KHDRBS3: variants seen among roughly 807,000 people sequenced by gnomAD.
The protein encoded by KHDRBS3 is KH domain-containing, RNA-binding, signal transduction-associated protein 3.
KHDRBS3 carries 23 observed loss-of-function variants against 45.6 expected under a neutral mutation model. The observed-to-expected ratio is 0.50, with a 90% CI of 0.36 to 0.72. KHDRBS3 has a LOEUF of 0.72. Ranked by LOEUF, KHDRBS3 falls within the 30% of genes least tolerant of loss-of-function variation. KHDRBS3 has a pLI of 0.00. For synonymous variants in KHDRBS3, 162 were observed against 156.5 expected (o/e 1.04, Z -0.26); for missense variants, 352 against 424.8 (o/e 0.83, Z 1.51).
chr8:135,553,933 CT>C (rs1193382306), intron 4 of KHDRBS3, among the ~76,000 whole-genome samples: 3 of 152,108 alleles, frequency 2.0e-5, no homozygotes, highest in African/African-American at 7.2e-5. Flanking sequence ...CTGTAAGCTA[CT>C]ATGAATGATT....
chr8:135,461,130 G>T lies in KHDRBS3; in HGVS notation c.88+3176G>T, dbSNP rs1821408863. On this transcript the variant is annotated intron_variant, in intron 1 of 8. Transcript: ENST00000355849. Reference sequence around the variant, plus strand: ...TTATTTATTTTTTTGAGACGAAGTTGCCCAGGCTCTGTTGCCCAGGCTAGA... The same window carrying T: ...TTATTTATTTTTTTGAGACGAAGTTTCCCAGGCTCTGTTGCCCAGGCTAGA... Among the ~76,000 whole-genome samples the T allele has an allele frequency of 2.0e-5, 3 of 152,060 alleles. No individual in the cohort carries two copies. In the South Asian group the frequency reaches 6.2e-4, roughly 31 times the overall value.
At chr8:135,543,850 G>A (rs1000395394) in intron 3 of KHDRBS3, among the ~76,000 whole-genome samples, 6 of 152,156 alleles carry the variant, frequency 3.9e-5, no homozygotes, top group Non-Finnish European at 8.8e-5. Context: ...AACATGACAT[G>A]TTTCAGATTT....
At chr8:135,536,256 T>G (rs1366160238) in intron 2 of KHDRBS3, among the ~76,000 whole-genome samples, 1 of 146,906 alleles carries the variant, frequency 6.8e-6, no homozygotes, top group Non-Finnish European at 1.5e-5. Context: ...TTTTTTTTTT[T>G]TTTTTTATTA....
At chr8:135,556,092 T>C (rs1471471730) in intron 4 of KHDRBS3, among the ~76,000 whole-genome samples, 1 of 152,252 alleles carries the variant, frequency 6.6e-6, no homozygotes, top group African/African-American at 2.4e-5. Context: ...TGCATAGCAT[T>C]CCATGGTGTA....
At chr8:135,512,433 G>GGGT (rs1554620150) in intron 1 of KHDRBS3, among the ~76,000 whole-genome samples, 1 of 136,682 alleles carries the variant, frequency 7.3e-6, no homozygotes, top group Non-Finnish European at 1.6e-5. Flanking sequence ...AAAAGTCGGG[G>GGGT]GGGGGGTAAT....
At position 135,536,982 on chromosome 8, in the gene KHDRBS3, A is replaced by G. The variant is rs1477966185; in HGVS notation, c.208-5672A>G. ...ACTCCATCTCAAAAAAAAAAAAAAAAAAAAAAAAAAAAAAAGGAGATGTTT... is the reference window on the plus strand; with the variant it reads ...ACTCCATCTCAAAAAAAAAAAAAAAGAAAAAAAAAAAAAAAGGAGATGTTT... On this transcript the variant is annotated intron_variant, in intron 2 of 8. Coordinates refer to ENST00000355849, the MANE Select transcript of KHDRBS3 (RefSeq NM_006558.3). 2.8e-4 allele frequency among the ~76,000 whole-genome samples: 15 copies of G among 52,794 alleles called. 1 individual carries two copies. The East Asian group carries it at 0.012, about 41-fold the overall frequency. 34.6% of individuals were successfully genotyped at this position (52,794 alleles called of 152,430 possible).
chr8:135,528,127 T>C (rs1161595291), intron 2 of KHDRBS3, among the ~76,000 whole-genome samples: 1 of 152,216 alleles, frequency 6.6e-6, no homozygotes, highest in East Asian at 1.9e-4. Context: ...TCTGTGTACA[T>C]ACTATCTGCA....
chr8:135,495,321 AATT>A (rs1278145151), intron 1 of KHDRBS3, among the ~76,000 whole-genome samples: 2 of 152,116 alleles, frequency 1.3e-5, no homozygotes, highest in Non-Finnish European at 2.9e-5. Flanking sequence ...TTATTTTGTC[AATT>A]ATCCAACTTT....
intron 5 of KHDRBS3, among the ~76,000 whole-genome samples, chr8:135,563,835 A>G (rs1262577297): frequency 1.3e-5 from 2 of 152,086 alleles, no homozygotes; most frequent in Non-Finnish European, 2.9e-5. Flanking sequence ...CTGCTTTTCC[A>G]TTGACCTTTG....
intron 2 of KHDRBS3, among the ~76,000 whole-genome samples, chr8:135,531,953 C>T (rs909966288): frequency 2.0e-5 from 3 of 152,096 alleles, no homozygotes; most frequent in African/African-American, 4.8e-5. Context: ...TTTGGAATGA[C>T]TTATTCTTAG....
At chr8:135,650,569 AT>A (rs572700205), downstream of KHDRBS3, among the ~76,000 whole-genome samples, 520 of 152,344 alleles carry the variant, frequency 3.4e-3, 1 homozygote, top group Non-Finnish European at 6.1e-3. Context: ...TTTCACACTT[AT>A]GTTGCTCATG....
chr8:135,509,242 G>A (rs7814019), intron 1 of KHDRBS3, among the ~76,000 whole-genome samples: 19,331 of 152,156 alleles, frequency 0.13, 2,562 homozygotes, highest in African/African-American at 0.34. Context: ...TTCTTGGAAG[G>A]TTTTATTTTG....
chr8:135,603,459 A>G (rs1456343919), intron 6 of KHDRBS3, among the ~76,000 whole-genome samples: 1 of 152,192 alleles, frequency 6.6e-6, no homozygotes, highest in African/African-American at 2.4e-5. Context: ...TTGATTGACT[A>G]TTGGAAGATC....
At chr8:135,492,644 C>G (rs1204232909) in intron 1 of KHDRBS3, among the ~76,000 whole-genome samples, 1 of 151,274 alleles carries the variant, frequency 6.6e-6, no homozygotes, top group South Asian at 2.1e-4. Context: ...CCATTCCGTT[C>G]TGTTCCTCTG....
chr8:135,523,236 G>A (rs765325600), intron 2 of KHDRBS3, among the ~76,000 whole-genome samples: 1 of 152,152 alleles, frequency 6.6e-6, no homozygotes, highest in African/African-American at 2.4e-5. Context: ...CATTGCATCT[G>A]TTGAGCAATT....
chr8:135,521,448 G>A (rs1014909666), intron 2 of KHDRBS3, 93 bp downstream of exon 2: 7 of 719,114 alleles, frequency 9.7e-6, no homozygotes, highest in Non-Finnish European at 1.7e-5. Context: ...TTTTAGAGAT[G>A]TTTTCTCTTA....
chr8:135,600,679 A>G (rs1380804804), intron 6 of KHDRBS3, among the ~76,000 whole-genome samples: 2 of 152,202 alleles, frequency 1.3e-5, no homozygotes, highest in Non-Finnish European at 2.9e-5. Flanking sequence ...TTTTGACAAC[A>G]TAGGGATGCG....
At chr8:135,622,176 A>G (rs542695010) in intron 7 of KHDRBS3, among the ~76,000 whole-genome samples, 3 of 152,208 alleles carry the variant, frequency 2.0e-5, no homozygotes, top group African/African-American at 7.2e-5. Flanking sequence ...CAATCTATTC[A>G]CTGTCCCCTC....
chr8:135,632,364 T>G (rs539492667), intron 7 of KHDRBS3, among the ~76,000 whole-genome samples: 1 of 152,128 alleles, frequency 6.6e-6, no homozygotes, highest in Admixed American at 6.5e-5. Flanking sequence ...CCTCCTCTTC[T>G]TGCCCTCTGC....
Sources: gnomAD v4.1 joint callset for allele counts (sites outside exome capture counted in the v4.1 genomes callset) on GRCh38, gnomAD v4.1.1 for gene constraint, MANE v1.5 for transcripts, NCBI Gene and HGNC (gene_info 2026-07-23, HGNC 2026-07-21) for gene names.